The following VWA8 variants were observed in gnomAD, a reference collection of about 807,000 sequenced individuals.
VWA8 encodes von Willebrand factor A domain-containing protein 8.
Under a neutral mutation model 241.5 loss-of-function variants are expected in VWA8, and 221 were observed. The observed-to-expected ratio is 0.91, with a 90% CI of 0.82 to 1.02. The LOEUF (loss-of-function observed/expected upper bound fraction) is 1.02, where lower values mean the gene tolerates loss of function less well. VWA8 is among the 50% of genes least tolerant of loss of function. The pLI, the probability that VWA8 is intolerant of heterozygous loss-of-function variation, is 0.00. For missense variants in VWA8, 2,322 were observed against 2,328.7 expected, an observed-to-expected ratio of 1.00 and a Z score of 0.06; for synonymous variants, 852 against 827.1, an observed-to-expected ratio of 1.03 and a Z score of -0.52.
intron 37 of VWA8, among the ~76,000 whole-genome samples, chr13:41,666,028 G>A (rs889075510): frequency 1.3e-5 from 2 of 152,012 alleles, no homozygotes; most frequent in Non-Finnish European, 2.9e-5. Flanking sequence ...TCATAAACTT[G>A]TTTATTTGCT....
intron 9 of VWA8, among the ~76,000 whole-genome samples, chr13:41,882,567 C>T (rs1310067667): frequency 6.6e-6 from 1 of 152,232 alleles, no homozygotes; most frequent in Non-Finnish European, 1.5e-5. Context: ...CCCGGGAGGC[C>T]AAGGCTGGCG....
At chr13:41,748,331 GTGTA>G (rs2045626323) in intron 21 of VWA8, among the ~76,000 whole-genome samples, 1 of 152,096 alleles carries the variant, frequency 6.6e-6, no homozygotes, top group Non-Finnish European at 1.5e-5. Context: ...TCTTGGGAGG[GTGTA>G]TGTGTCGAGG....
intron 35 of VWA8, among the ~76,000 whole-genome samples, chr13:41,677,434 ACTAATAATT>A (rs2045067972): frequency 6.6e-6 from 1 of 152,170 alleles, no homozygotes; most frequent in Non-Finnish European, 1.5e-5. Flanking sequence ...AACAACAAAG[ACTAATAATT>A]CTTGTCTGAG....
At chr13:41,773,387 ATTTT>A (rs1224103758) in intron 20 of VWA8, among the ~76,000 whole-genome samples, 1 of 152,232 alleles carries the variant, frequency 6.6e-6, no homozygotes, top group Non-Finnish European at 1.5e-5. Flanking sequence ...GAAACAAGGC[ATTTT>A]TTAAAACTAC....
Position 41,568,083 on chromosome 13 carries a change from A to G in VWA8, c.*114T>C. 1.2e-6 allele frequency: 1 copy of G among 852,164 alleles called. No homozygotes were observed. The highest frequency in any genetic ancestry group is 1.9e-6 in the Non-Finnish European group (1 of 532,200). 52.8% of individuals were successfully genotyped at this position (852,164 alleles called of 1,614,324 possible). A position where few individuals can be genotyped will look rare whatever the true frequency, so the allele number is the denominator to read the frequency against. Reference sequence around the variant, plus strand: ...GTGTAGGAAGACCCAGGAATGCCGGAATCATCCAGTCACTGCATGGGTTCA... The same window carrying G: ...GTGTAGGAAGACCCAGGAATGCCGGGATCATCCAGTCACTGCATGGGTTCA... On this transcript the variant is annotated 3_prime_UTR_variant, in exon 45 of 45. Transcript: ENST00000379310.
chr13:41,723,750 A>G (rs183109989), intron 24 of VWA8, among the ~76,000 whole-genome samples: 1 of 151,698 alleles, frequency 6.6e-6, no homozygotes, highest in Admixed American at 6.6e-5. Context: ...TTCATCATGG[A>G]CATGTTAAAT....
At chr13:41,592,314 T>G (rs1480797298) in intron 40 of VWA8, among the ~76,000 whole-genome samples, 37 of 82,274 alleles carry the variant, frequency 4.5e-4, no homozygotes, top group East Asian at 2.6e-3. Flanking sequence ...TGGGGACTGT[T>G]GTGGGGTGGG....
rs529126050 is a variant in VWA8 at position 41,795,045 on chromosome 13, C to T, written c.2064-7502G>A. ...CAGAATGGGAAAAAAATTTTGCAAT[C>T]TATCCATCTGACAAAAGTCTAATAT... is the stretch of plus-strand genomic sequence containing the variant. On this transcript the variant is annotated intron_variant, in intron 17 of 44. Coordinates refer to ENST00000379310, the MANE Select transcript of VWA8 (RefSeq NM_015058.2). 2.0e-5 allele frequency among the ~76,000 whole-genome samples: 3 copies of T among 152,238 alleles called. No individual in the cohort carries two copies. In the East Asian group the frequency reaches 5.8e-4, roughly 29 times the overall value.
intron 18 of VWA8, among the ~76,000 whole-genome samples, chr13:41,784,301 A>G (rs1403698516): frequency 6.6e-6 from 1 of 152,098 alleles, no homozygotes; most frequent in East Asian, 1.9e-4. Flanking sequence ...CAATTTAGAA[A>G]CCCCTTAAGA....
At chr13:41,657,650 C>T (rs947802166) in intron 37 of VWA8, among the ~76,000 whole-genome samples, 9 of 151,874 alleles carry the variant, frequency 5.9e-5, no homozygotes, top group East Asian at 3.9e-4. Flanking sequence ...CCACCGCGCC[C>T]GGCTAATTTT....
chr13:41,960,872 G>T lies in VWA8; in HGVS notation c.144C>A (p.Ala48=), dbSNP rs2138179369. The T allele has an allele frequency of 6.6e-7, 1 of 1,518,932 alleles. No individual in the cohort carries two copies. 94.1% of individuals were successfully genotyped at this position (1,518,932 alleles called of 1,614,324 possible). A position where few individuals can be genotyped will look rare whatever the true frequency, so the allele number is the denominator to read the frequency against. Residue 48 remains alanine, a synonymous_variant, in exon 1 of 45, where the codon GCC becomes GCA. Transcript: ENST00000379310. The part of the protein sequence containing the change: ...RQRPEVRLLH[A]GSGADTGDTV... ...AGTTACCTGTGTCGGCCCCCGAGCC[G>T]GCGTGCAACAGTCTGACCTCCGGCC...
At chr13:41,778,595 T>A (rs957191515) in intron 19 of VWA8, among the ~76,000 whole-genome samples, 23 of 152,048 alleles carry the variant, frequency 1.5e-4, no homozygotes, top group African/African-American at 5.3e-4. Flanking sequence ...CAGAGGAAAT[T>A]ACATTGCTCT....
At chr13:41,679,284 T>TA (rs1305395386) in intron 35 of VWA8, among the ~76,000 whole-genome samples, 1 of 152,196 alleles carries the variant, frequency 6.6e-6, no homozygotes, top group African/African-American at 2.4e-5. Flanking sequence ...AAGGAGGTAT[T>TA]AAAAACTGTC....
chr13:41,703,401 GC>G lies in VWA8; in HGVS notation c.3126del (p.Pro1043GlnfsTer30). Reference protein sequence around the residue: ...TSVQLAKELTLPEQTFMGYWT... With the variant: ...TSVQLAKELTXPEQTFMGYWT... Reference sequence around the variant, plus strand: ...CAGTAGCCCATGAACGTTTGTTCTGGCAGAGTCAACCTGTTAAGGATGATTT... The same window carrying G: ...CAGTAGCCCATGAACGTTTGTTCTGGAGAGTCAACCTGTTAAGGATGATTT... On this transcript the variant is annotated frameshift_variant, in exon 27 of 45. Coordinates refer to ENST00000379310, the MANE Select transcript of VWA8 (RefSeq NM_015058.2). LOFTEE classifies it high-confidence loss of function. The G allele has an allele frequency of 7.4e-6, 12 of 1,613,898 alleles. No homozygotes were observed. Among genetic ancestry groups the G allele is most frequent in the Non-Finnish European group, 9.3e-6 (11 of 1,179,898 alleles).
chr13:41,673,000 ATTTC>A (rs1174385863), intron 36 of VWA8, among the ~76,000 whole-genome samples: 8 of 152,150 alleles, frequency 5.3e-5, no homozygotes, highest in African/African-American at 1.4e-4. Flanking sequence ...TTTACAGGCA[ATTTC>A]TTTAATTTAT....
intron 37 of VWA8, among the ~76,000 whole-genome samples, chr13:41,670,169 T>C (rs1026543268): frequency 6.6e-6 from 1 of 152,140 alleles, no homozygotes; most frequent in Admixed American, 6.6e-5. Flanking sequence ...GGGAGGAACC[T>C]ACTTTTCTTT....
intron 37 of VWA8, among the ~76,000 whole-genome samples, chr13:41,619,535 C>T (rs1250910222): frequency 2.6e-5 from 4 of 152,148 alleles, no homozygotes; most frequent in African/African-American, 9.7e-5. Flanking sequence ...AGAGGGCATC[C>T]CTGTCTTGTG....
chr13:41,749,626 CT>C (rs2045638416), intron 21 of VWA8, among the ~76,000 whole-genome samples: 1 of 152,020 alleles, frequency 6.6e-6, no homozygotes, highest in African/African-American at 2.4e-5. Flanking sequence ...CAATGATAGA[CT>C]AGATTAAGAA....
intron 9 of VWA8, among the ~76,000 whole-genome samples, chr13:41,882,759 G>T (rs931074844): frequency 6.6e-6 from 1 of 152,174 alleles, no homozygotes; most frequent in African/African-American, 2.4e-5. Context: ...CAGCAGTACA[G>T]TCCAGCTTCG....
Sources: gnomAD v4.1 joint callset for allele counts (sites outside exome capture counted in the v4.1 genomes callset) on GRCh38, gnomAD v4.1.1 for gene constraint, MANE v1.5 for transcripts, NCBI Gene and HGNC (gene_info 2026-07-23, HGNC 2026-07-21) for gene names.